PRKCE: variants seen among roughly 807,000 people sequenced by gnomAD.
The protein encoded by PRKCE is protein kinase C epsilon.
PRKCE carries 16 observed loss-of-function variants against 85.4 expected under a neutral mutation model. The observed-to-expected ratio is 0.19, with a 90% CI of 0.13 to 0.28. The LOEUF (loss-of-function observed/expected upper bound fraction) is 0.28. PRKCE is among the 10% of genes least tolerant of loss of function. PRKCE has a pLI of 1.00. For missense variants in PRKCE, 573 were observed against 975.2 expected (o/e 0.59, Z 5.49); for synonymous variants, 388 against 371.5 (o/e 1.04, Z -0.51).
At chr2:46,097,956 A>G (rs916545567) in intron 11 of PRKCE, among the ~76,000 whole-genome samples, 2 of 152,240 alleles carry the variant, frequency 1.3e-5, no homozygotes, top group Admixed American at 6.5e-5. Context: ...CCAAGTTTAC[A>G]TTCCTTGGAG....
chr2:46,097,469 G>A (rs112860918), intron 11 of PRKCE, among the ~76,000 whole-genome samples: 20,503 of 146,652 alleles, frequency 0.14, 1,579 homozygotes, highest in Middle Eastern at 0.23. Flanking sequence ...GCAGTGAGCC[G>A]AGATCACACC....
At chr2:46,002,283 T>C (rs1439721725) in intron 7 of PRKCE, among the ~76,000 whole-genome samples, 1 of 152,198 alleles carries the variant, frequency 6.6e-6, no homozygotes, top group African/African-American at 2.4e-5. Flanking sequence ...ATTAGAACCA[T>C]GTTAACAGGG....
intron 11 of PRKCE, among the ~76,000 whole-genome samples, chr2:46,127,793 G>C (rs779589337): frequency 2.0e-5 from 3 of 152,352 alleles, no homozygotes; most frequent in South Asian, 2.1e-4. Context: ...TAAAGAATTT[G>C]CTGGAAAGAC....
chr2:46,023,222 A>C (rs75889105), intron 10 of PRKCE, among the ~76,000 whole-genome samples: 3,549 of 152,130 alleles, frequency 0.023, 168 homozygotes, highest in Admixed American at 0.12. Context: ...AACAGAATTG[A>C]GACTACCTGA....
chr2:46,073,315 C>A (rs762086774), intron 10 of PRKCE: 3 of 152,248 alleles, frequency 2.0e-5, no homozygotes, highest in Non-Finnish European at 4.4e-5. Flanking sequence ...CTTCTACCCA[C>A]TGGGCTTAGT....
intron 2 of PRKCE, among the ~76,000 whole-genome samples, chr2:45,903,132 G>A (rs1436773375): frequency 6.6e-6 from 1 of 152,210 alleles, no homozygotes; most frequent in Non-Finnish European, 1.5e-5. Context: ...CAATAGTCAT[G>A]TTTTCAGTGG....
intron 2 of PRKCE, among the ~76,000 whole-genome samples, chr2:45,958,412 G>T (rs567071481): frequency 6.6e-6 from 1 of 151,102 alleles, no homozygotes; most frequent in African/African-American, 2.4e-5. Flanking sequence ...GGGAGGTTGA[G>T]GCAGGAGAAT....
intron 11 of PRKCE, among the ~76,000 whole-genome samples, chr2:46,090,059 G>A (rs796910919): frequency 6.6e-6 from 1 of 152,170 alleles, no homozygotes; most frequent in Non-Finnish European, 1.5e-5. Context: ...GGGGATGGGT[G>A]AAAACAGAAT....
At chr2:45,664,918 C>T (rs765258674) in intron 1 of PRKCE, among the ~76,000 whole-genome samples, 2 of 152,152 alleles carry the variant, frequency 1.3e-5, no homozygotes, top group Non-Finnish European at 2.9e-5. Context: ...CTTATATATG[C>T]CCAACCTCTA....
chr2:45,727,979 T>C (rs1681228942), intron 1 of PRKCE, among the ~76,000 whole-genome samples: 1 of 152,182 alleles, frequency 6.6e-6, no homozygotes, highest in African/African-American at 2.4e-5. Flanking sequence ...CAGTAAACTC[T>C]GGGAAGCCAA....
At chr2:45,737,696 C>A (rs1189500287) in intron 1 of PRKCE, among the ~76,000 whole-genome samples, 1 of 152,052 alleles carries the variant, frequency 6.6e-6, no homozygotes, top group East Asian at 1.9e-4. Flanking sequence ...ATCACATGCT[C>A]TCTGCATGTC....
intron 1 of PRKCE, among the ~76,000 whole-genome samples, chr2:45,801,011 G>A (rs558356049): frequency 6.6e-6 from 1 of 152,266 alleles, no homozygotes; most frequent in South Asian, 2.1e-4. Context: ...TCAGAAGATG[G>A]GTAAGAATTA....
intron 1 of PRKCE, among the ~76,000 whole-genome samples, chr2:45,760,956 T>A (rs916175301): frequency 6.6e-6 from 1 of 152,136 alleles, no homozygotes; most frequent in African/African-American, 2.4e-5. Flanking sequence ...TTATCTTAAC[T>A]GGGGCATTAG....
intron 2 of PRKCE, among the ~76,000 whole-genome samples, chr2:45,955,661 A>G (rs984533577): frequency 1.3e-5 from 2 of 152,126 alleles, no homozygotes; most frequent in Non-Finnish European, 2.9e-5. Context: ...CTCAAAAACA[A>G]ACCCCCACAT....
chr2:46,152,787 T>A (rs1020755083), intron 13 of PRKCE, among the ~76,000 whole-genome samples: 1 of 152,138 alleles, frequency 6.6e-6, no homozygotes, highest in African/African-American at 2.4e-5. Context: ...GACCTCATGA[T>A]CCACCCACCT....
chr2:46,179,332 C>T (rs1679740571), intron 14 of PRKCE, among the ~76,000 whole-genome samples: 2 of 152,076 alleles, frequency 1.3e-5, no homozygotes, highest in Admixed American at 6.5e-5. Flanking sequence ...TAAGCATTGA[C>T]GCTGCCTGCC....
chr2:46,177,554 C>T (rs1030279394), intron 14 of PRKCE, among the ~76,000 whole-genome samples: 2 of 152,162 alleles, frequency 1.3e-5, no homozygotes, highest in African/African-American at 4.8e-5. Context: ...TGTGTCTCTT[C>T]CCTCTGTGCA....
chr2:46,134,791 A>T (rs1045796325), intron 11 of PRKCE, among the ~76,000 whole-genome samples: 1 of 152,230 alleles, frequency 6.6e-6, no homozygotes, highest in African/African-American at 2.4e-5. Context: ...ATTGGCCTGG[A>T]GAGAGATAGG....
At chr2:45,746,675 C>T (rs538910812) in intron 1 of PRKCE, among the ~76,000 whole-genome samples, 1 of 152,298 alleles carries the variant, frequency 6.6e-6, no homozygotes, top group South Asian at 2.1e-4. Flanking sequence ...CAGTGTCCCG[C>T]CTTTCCCACA....
Sources: gnomAD v4.1 joint callset for allele counts (sites outside exome capture counted in the v4.1 genomes callset) on GRCh38, gnomAD v4.1.1 for gene constraint, MANE v1.5 for transcripts, NCBI Gene and HGNC (gene_info 2026-07-23, HGNC 2026-07-21) for gene names.